Variants in PCMTD1 observed in about 807,000 individuals in gnomAD.
The protein encoded by PCMTD1 is protein-L-isoaspartate O-methyltransferase domain-containing protein 1.
In PCMTD1, 12 loss-of-function variants were observed where a neutral mutation model predicts 37.6. That is an observed-to-expected ratio of 0.32 (90% CI 0.20 to 0.52). PCMTD1 has a LOEUF of 0.52. Ranked by LOEUF, PCMTD1 falls within the 20% of genes least tolerant of loss-of-function variation. The pLI, the probability that PCMTD1 is intolerant of heterozygous loss-of-function variation, is 0.97. For synonymous variants in PCMTD1, 117 were observed against 135.8 expected, an observed-to-expected ratio of 0.86 and a Z score of 0.96; for missense variants, 235 against 421.3, an observed-to-expected ratio of 0.56 and a Z score of 3.87.
At position 51,898,910 on chromosome 8, in the gene PCMTD1, C is replaced by T. The variant is rs1389073317; in HGVS notation, c.-96+20G>A. ...CTCGCACACCCCACGACCCCGAGCC[C>T]CCACTGGCGGCGGCGTTACCTGTGG... is the stretch of plus-strand genomic sequence containing the variant. On this transcript the variant is annotated intron_variant, in intron 1 of 5. Transcript: ENST00000522514. 1.5e-6 allele frequency: 2 copies of T among 1,322,600 alleles called. No individual in the cohort carries two copies. The highest frequency in any genetic ancestry group is 1.9e-6 in the Non-Finnish European group (2 of 1,037,824). The allele number at this position is 1,322,600 out of a possible 1,614,324, so 81.9% of individuals were successfully genotyped here. A position where few individuals can be genotyped will look rare whatever the true frequency, so the allele number is the denominator to read the frequency against.
intron 1 of PCMTD1, among the ~76,000 whole-genome samples, chr8:51,873,446 G>GA (rs2038665904): frequency 6.6e-6 from 1 of 152,092 alleles, no homozygotes; most frequent in Non-Finnish European, 1.5e-5. Context: ...TTTTCTGAAT[G>GA]AACCAGAGAA....
chr8:51,839,683 G>A (rs965692460), intron 3 of PCMTD1: 5 of 945,576 alleles, frequency 5.3e-6, no homozygotes, highest in Non-Finnish European at 6.3e-6. Flanking sequence ...CACTGTTGAA[G>A]TGGGGCTGAC....
chr8:51,858,638 G>A (rs924979085), intron 2 of PCMTD1, among the ~76,000 whole-genome samples: 3 of 152,186 alleles, frequency 2.0e-5, no homozygotes, highest in African/African-American at 2.4e-5. Context: ...CTTATTAGCT[G>A]TAATCATAGT....
At chr8:51,854,501 G>T (rs2038354454) in intron 2 of PCMTD1, among the ~76,000 whole-genome samples, 1 of 152,198 alleles carries the variant, frequency 6.6e-6, no homozygotes, top group Non-Finnish European at 1.5e-5. Flanking sequence ...AGAGTTTCAT[G>T]AATTTCATAA....
At chr8:51,873,275 T>C (rs1314277550) in intron 1 of PCMTD1, among the ~76,000 whole-genome samples, 1 of 152,156 alleles carries the variant, frequency 6.6e-6, no homozygotes, top group Non-Finnish European at 1.5e-5. Flanking sequence ...TCCCATACAA[T>C]AAAGGGATAT....
At chr8:51,896,883 CAAAAAA>C (rs34125033) in intron 1 of PCMTD1, among the ~76,000 whole-genome samples, 1 of 128,978 alleles carries the variant, frequency 7.8e-6, no homozygotes, top group Non-Finnish European at 1.6e-5. Context: ...CGCACTATTA[CAAAAAA>C]AAAAAAAAAG....
At chr8:51,894,412 G>A (rs2129296382) in intron 1 of PCMTD1, among the ~76,000 whole-genome samples, 1 of 152,314 alleles carries the variant, frequency 6.6e-6, no homozygotes, top group East Asian at 1.9e-4. Flanking sequence ...CTCAGCAGAG[G>A]CACAGTGGTC....
At chr8:51,891,659 A>T (rs1023658260) in intron 1 of PCMTD1, among the ~76,000 whole-genome samples, 1 of 138,154 alleles carries the variant, frequency 7.2e-6, no homozygotes, top group Non-Finnish European at 1.6e-5. Context: ...GCCACTAGTT[A>T]AAAAAAAAAA....
At chr8:51,860,116 T>C (rs954087373) in intron 2 of PCMTD1, among the ~76,000 whole-genome samples, 2 of 152,246 alleles carry the variant, frequency 1.3e-5, no homozygotes, top group East Asian at 1.9e-4. Flanking sequence ...ACTTCCTAGA[T>C]ACGTGACTTT....
chr8:51,827,689 T>C (rs2037940885), intron 5 of PCMTD1, among the ~76,000 whole-genome samples: 2 of 152,186 alleles, frequency 1.3e-5, no homozygotes, highest in Admixed American at 1.3e-4. Flanking sequence ...ATAACTCCCA[T>C]ATATCTGGGC....
chr8:51,891,276 G>A lies in PCMTD1; in HGVS notation c.-96+7654C>T, dbSNP rs766429749. On this transcript the variant is annotated intron_variant, in intron 1 of 5. Transcript: ENST00000522514. Reference sequence around the variant, plus strand: ...CCCTAAAAATAAATGACATGAGGCCGGGCAAGGTAGCTTTCTCCTCTAATC... The same window carrying A: ...CCCTAAAAATAAATGACATGAGGCCAGGCAAGGTAGCTTTCTCCTCTAATC... Among the ~76,000 whole-genome samples the A allele has an allele frequency of 7.9e-5, 12 of 152,256 alleles. No individual in the cohort carries two copies. In the South Asian group the frequency reaches 1.0e-3, roughly 13 times the overall value.
chr8:51,895,777 C>T (rs1045270433), intron 1 of PCMTD1, among the ~76,000 whole-genome samples: 3 of 152,024 alleles, frequency 2.0e-5, no homozygotes, highest in Non-Finnish European at 4.4e-5. Flanking sequence ...TTACGTTGAC[C>T]GAGAGATAAT....
chr8:51,844,447 AAC>A (rs1258249697), intron 3 of PCMTD1, among the ~76,000 whole-genome samples: 1 of 152,170 alleles, frequency 6.6e-6, no homozygotes, highest in Non-Finnish European at 1.5e-5. Context: ...TGCAATTTTT[AAC>A]AGTTACAATC....
In PCMTD1 at chr8:51,817,878, C is replaced by T. The variant is rs1157902939; in HGVS notation, c.*2473G>A. ...TATCTTAGGCCCTGTCTCTAACTCA[C>T]TGTATGTTTCAGGCAAAACATGCCA... On this transcript the variant is annotated 3_prime_UTR_variant, in exon 6 of 6. Coordinates refer to ENST00000522514, the MANE Select transcript of PCMTD1 (RefSeq NM_052937.4). The T allele has an allele frequency of 1.8e-5, 8 of 456,822 alleles. No individual in the cohort carries two copies. The highest frequency in any genetic ancestry group is 6.0e-5 in the African/African-American group (3 of 50,238). 28.3% of individuals were successfully genotyped at this position (456,822 alleles called of 1,614,324 possible).
chr8:51,846,162 C>CA (rs1291113651), intron 2 of PCMTD1, among the ~76,000 whole-genome samples: 1 of 152,166 alleles, frequency 6.6e-6, no homozygotes, highest in Non-Finnish European at 1.5e-5. Context: ...TGGGCTAACA[C>CA]AGATATTACA....
intron 5 of PCMTD1, among the ~76,000 whole-genome samples, chr8:51,828,772 C>T (rs1009848003): frequency 6.6e-6 from 1 of 152,196 alleles, no homozygotes; most frequent in African/African-American, 2.4e-5. Context: ...AATGCATACA[C>T]AGCCAAGTGA....
chr8:51,828,902 G>A (rs1186496088), intron 5 of PCMTD1, among the ~76,000 whole-genome samples: 1 of 152,126 alleles, frequency 6.6e-6, no homozygotes, highest in Non-Finnish European at 1.5e-5. Flanking sequence ...TTTCAACACA[G>A]TAACCTCATG....
chr8:51,839,841 T>C (rs980397248), intron 3 of PCMTD1, among the ~76,000 whole-genome samples: 2 of 152,090 alleles, frequency 1.3e-5, no homozygotes, highest in African/African-American at 4.8e-5. Context: ...GCCAAATGAA[T>C]CAAAAAACTT....
chr8:51,886,821 T>G (rs2038871132), intron 1 of PCMTD1, among the ~76,000 whole-genome samples: 1 of 152,192 alleles, frequency 6.6e-6, no homozygotes, highest in Non-Finnish European at 1.5e-5. Context: ...TATCTGATAG[T>G]TCTGGAGGTC....
Sources: allele counts gnomAD v4.1 joint callset (sites outside exome capture counted in the v4.1 genomes callset), GRCh38; gene constraint gnomAD v4.1.1; transcripts MANE v1.5; gene names NCBI Gene and HGNC (gene_info 2026-07-23, HGNC 2026-07-21).